Variants in KCNIP4 observed in about 807,000 individuals in gnomAD.
KCNIP4 encodes the protein Kv channel-interacting protein 4.
A neutral mutation model predicts 34.0 loss-of-function variants in KCNIP4; 12 were observed. The ratio of observed to expected loss-of-function variants is 0.35; its 90% CI spans 0.23 to 0.57. KCNIP4 has a LOEUF of 0.57. Among genes scored for constraint, KCNIP4 ranks in the 20% least tolerant of loss-of-function variants. The pLI is 0.83. For synonymous variants in KCNIP4, 124 were observed against 102.2 expected (o/e 1.21, Z -1.29); for missense variants, 238 against 311.7 (o/e 0.76, Z 1.78).
At chr4:21,690,132 A>ATT (rs998191499) in intron 1 of KCNIP4, among the ~76,000 whole-genome samples, 4 of 144,878 alleles carry the variant, frequency 2.8e-5, no homozygotes, top group South Asian at 2.1e-4. Flanking sequence ...TATATTTTAT[A>ATT]TTATATATAT....
intron 5 of KCNIP4, among the ~76,000 whole-genome samples, chr4:20,748,765 C>T (rs1014919332): frequency 2.0e-5 from 3 of 149,640 alleles, no homozygotes; most frequent in African/African-American, 4.9e-5. Context: ...AAAATAAAAG[C>T]CTTCACAGCT....
At chr4:21,187,422 T>C (rs1259759536) in intron 1 of KCNIP4, among the ~76,000 whole-genome samples, 1 of 152,178 alleles carries the variant, frequency 6.6e-6, no homozygotes, top group African/African-American at 2.4e-5. Flanking sequence ...CTGCGGCAAA[T>C]TGTAAAGTGC....
chr4:21,608,205 A>G (rs1243782563), intron 1 of KCNIP4, among the ~76,000 whole-genome samples: 1 of 152,208 alleles, frequency 6.6e-6, no homozygotes, highest in East Asian at 1.9e-4. Flanking sequence ...AAAGAAACAC[A>G]AATTTATTGT....
intron 1 of KCNIP4, among the ~76,000 whole-genome samples, chr4:21,927,355 G>A (rs913189918): frequency 6.6e-6 from 1 of 152,116 alleles, no homozygotes; most frequent in Non-Finnish European, 1.5e-5. Flanking sequence ...CATCTTTGGA[G>A]GCCCTTTAGT....
chr4:21,713,783 T>C (rs948363987), intron 1 of KCNIP4, among the ~76,000 whole-genome samples: 8 of 152,218 alleles, frequency 5.3e-5, no homozygotes, highest in African/African-American at 1.7e-4. Context: ...TCCAGCCTTT[T>C]TTCCCATGTT....
At chr4:20,794,543 A>G (rs1713196828) in intron 3 of KCNIP4, among the ~76,000 whole-genome samples, 2 of 152,332 alleles carry the variant, frequency 1.3e-5, no homozygotes, top group Admixed American at 1.3e-4. Flanking sequence ...ATAGTAAACT[A>G]TATTGTTTAT....
intron 1 of KCNIP4, among the ~76,000 whole-genome samples, chr4:21,230,981 A>T (rs1758746915): frequency 6.6e-6 from 1 of 152,184 alleles, no homozygotes. Flanking sequence ...TTCCACCAAC[A>T]GTGTAAAAGC....
intron 3 of KCNIP4, among the ~76,000 whole-genome samples, chr4:20,785,117 G>A (rs1711781077): frequency 6.6e-6 from 1 of 152,086 alleles, no homozygotes; most frequent in South Asian, 2.1e-4. Flanking sequence ...TCAAATGTGA[G>A]GCAGGGCTAG....
At chr4:21,712,604 A>G (rs1713818039) in intron 1 of KCNIP4, among the ~76,000 whole-genome samples, 1 of 152,146 alleles carries the variant, frequency 6.6e-6, no homozygotes, top group Non-Finnish European at 1.5e-5. Context: ...CCTTCTTTCT[A>G]GATAAGCTCT....
At chr4:21,203,911 G>C (rs937261158) in intron 1 of KCNIP4, among the ~76,000 whole-genome samples, 1 of 152,166 alleles carries the variant, frequency 6.6e-6, no homozygotes, top group African/African-American at 2.4e-5. Context: ...TCAACTCCCG[G>C]GAAGGGCTGC....
chr4:21,059,325 C>T (rs1743705490), intron 1 of KCNIP4, among the ~76,000 whole-genome samples: 1 of 152,172 alleles, frequency 6.6e-6, no homozygotes, highest in South Asian at 2.1e-4. Context: ...GAATGCTGAA[C>T]TTCTGGAGAA....
intron 1 of KCNIP4, among the ~76,000 whole-genome samples, chr4:21,742,357 A>T (rs531632899): frequency 6.6e-6 from 1 of 152,286 alleles, no homozygotes; most frequent in Middle Eastern, 3.4e-3. Context: ...ATTATTTCCA[A>T]TCAGACAGGT....
intron 1 of KCNIP4, among the ~76,000 whole-genome samples, chr4:21,487,641 C>G (rs1342402936): frequency 6.6e-6 from 1 of 152,162 alleles, no homozygotes; most frequent in Non-Finnish European, 1.5e-5. Context: ...CAGATACCTA[C>G]AGAAATTATT....
intron 1 of KCNIP4, among the ~76,000 whole-genome samples, chr4:21,195,851 C>G (rs1454519144): frequency 6.6e-6 from 1 of 152,124 alleles, no homozygotes; most frequent in East Asian, 1.9e-4. Context: ...TTGCTGAACC[C>G]TGAGGCTACT....
chr4:21,111,834 C>T (rs1350463546), intron 1 of KCNIP4, among the ~76,000 whole-genome samples: 1 of 152,114 alleles, frequency 6.6e-6, no homozygotes, highest in Non-Finnish European at 1.5e-5. Flanking sequence ...CACGTCATGC[C>T]CACCCATGTC....
At chr4:21,840,026 C>G (rs1341845996) in intron 1 of KCNIP4, among the ~76,000 whole-genome samples, 1 of 151,996 alleles carries the variant, frequency 6.6e-6, no homozygotes, top group Non-Finnish European at 1.5e-5. Flanking sequence ...CGAAAATACT[C>G]CATGGCTTTT....
chr4:21,427,752 T>C (rs1485242824), intron 1 of KCNIP4, among the ~76,000 whole-genome samples: 1 of 152,150 alleles, frequency 6.6e-6, no homozygotes, highest in Non-Finnish European at 1.5e-5. Flanking sequence ...ATAAGAACTG[T>C]CCGCGTAGGG....
intron 1 of KCNIP4, among the ~76,000 whole-genome samples, chr4:21,932,447 C>G (rs1360546777): frequency 6.6e-6 from 1 of 152,080 alleles, no homozygotes; most frequent in Admixed American, 6.6e-5. Context: ...TTTGTGTTAG[C>G]AAACAGATAA....
intron 3 of KCNIP4, among the ~76,000 whole-genome samples, chr4:20,774,417 A>C (rs2149383533): frequency 6.6e-6 from 1 of 152,298 alleles, no homozygotes; most frequent in East Asian, 1.9e-4. Flanking sequence ...GGAACTTTGA[A>C]TAAGTTACTA....
Sources: gnomAD v4.1 joint callset for allele counts (sites outside exome capture counted in the v4.1 genomes callset) on GRCh38, gnomAD v4.1.1 for gene constraint, MANE v1.5 for transcripts, NCBI Gene and HGNC (gene_info 2026-07-23, HGNC 2026-07-21) for gene names.